ILRUN: variants seen among roughly 807,000 people sequenced by gnomAD.
ILRUN encodes the protein protein ILRUN.
In ILRUN, 3 loss-of-function variants were observed where a neutral mutation model predicts 33.8. The observed-to-expected ratio is 0.09, with a 90% CI of 0.04 to 0.23. The LOEUF (loss-of-function observed/expected upper bound fraction) is 0.23, where lower values mean the gene tolerates loss of function less well. Among genes scored for constraint, ILRUN ranks in the 10% least tolerant of loss-of-function variants. The probability of loss-of-function intolerance (pLI) is 1.00; values close to 1 mark genes in which losing one functional copy is unlikely to be tolerated. For missense variants in ILRUN, 210 were observed against 375.1 expected (o/e 0.56, Z 3.64); for synonymous variants, 124 against 138.9 (o/e 0.89, Z 0.75).
At chr6:34,659,098 C>T (rs1043349599) in intron 1 of ILRUN, among the ~76,000 whole-genome samples, 1 of 152,206 alleles carries the variant, frequency 6.6e-6, no homozygotes, top group Non-Finnish European at 1.5e-5. Context: ...ATGGCCCTTG[C>T]CTTCAGTGTT....
chr6:34,651,420 G>A (rs1054640813), intron 2 of ILRUN, among the ~76,000 whole-genome samples: 1 of 151,848 alleles, frequency 6.6e-6, no homozygotes, highest in African/African-American at 2.4e-5. Context: ...TAGGCTTTGG[G>A]GGTTCTGATT....
At chr6:34,614,443 A>AAAAAAAATATATATATATAT (rs71000073) in intron 3 of ILRUN, among the ~76,000 whole-genome samples, 10 of 133,582 alleles carry the variant, frequency 7.5e-5, no homozygotes, top group African/African-American at 2.8e-4. Flanking sequence ...AAAAAAAAAA[A>AAAAAAAATATATATATATAT]ATATATATAT....
At chr6:34,639,671 C>T (rs1208640629) in intron 3 of ILRUN, among the ~76,000 whole-genome samples, 6 of 152,148 alleles carry the variant, frequency 3.9e-5, no homozygotes, top group East Asian at 1.9e-4. Flanking sequence ...AGAAGACTTC[C>T]GGACCATATA....
rs377158447 is a variant in ILRUN at position 34,646,581 on chromosome 6, C to T, written c.511+20G>A. The T allele has an allele frequency of 1.9e-6, 3 of 1,611,212 alleles. No homozygotes were observed. Among genetic ancestry groups the T allele is most frequent in the African/African-American group, 1.3e-5 (1 of 74,882 alleles). ...GTTACCTTAGTTCCTTTACCCTGGG[C>T]TGCACAAGGACATACTCACCTCCAT... On this transcript the variant is annotated intron_variant, in intron 3 of 4. Coordinates refer to ENST00000374023, the MANE Select transcript of ILRUN (RefSeq NM_024294.4). The surrounding 1 kb of genome is among the most constrained non-coding windows in gnomAD (Gnocchi z 4.9).
chr6:34,647,158 G>C (rs562890436), intron 2 of ILRUN, among the ~76,000 whole-genome samples: 1 of 152,162 alleles, frequency 6.6e-6, no homozygotes, highest in Non-Finnish European at 1.5e-5. Context: ...ACGTTTAGGG[G>C]ACAGCTCTCT....
At chr6:34,640,666 C>A (rs767065101) in intron 3 of ILRUN, among the ~76,000 whole-genome samples, 2 of 151,632 alleles carry the variant, frequency 1.3e-5, no homozygotes, top group African/African-American at 4.9e-5. Flanking sequence ...GCTGAGATCA[C>A]GCCACTGCAC....
rs2127303873 is a variant in ILRUN, at chr6:34,589,037, T to G, written c.*1528A>C. 6.5e-6 allele frequency: 1 copy of G among 152,798 alleles called. No individual in the cohort carries two copies. Among genetic ancestry groups the G allele is most frequent in the Admixed American group, 6.5e-5 (1 of 15,310 alleles). 9.5% of individuals were successfully genotyped at this position (152,798 alleles called of 1,614,324 possible). A position where few individuals can be genotyped will look rare whatever the true frequency, so the allele number is the denominator to read the frequency against. On this transcript the variant is annotated 3_prime_UTR_variant, in exon 5 of 5. Transcript: ENST00000374023. ...CCCACCACCCAGCTGGATGGGGGTG[T>G]GGTAACAGGCAGGTGACCCTGCAAC...
In ILRUN at chr6:34,619,270, A is replaced by C. The variant is rs140462184; in HGVS notation, c.512-12366T>G. On this transcript the variant is annotated intron_variant, in intron 3 of 4. Transcript: ENST00000374023. ...CAGCAAGAAATTTAAAACAACTCAA[A>C]TGTTCATCAGTAGGTACACAGAATA... Among the ~76,000 whole-genome samples, 514 of 152,226 alleles carry C rather than the reference A, an allele frequency of 3.4e-3. 5 individuals are homozygous for C. Among genetic ancestry groups the C allele is most frequent in the Middle Eastern group, 6.8e-3 (2 of 294 alleles).
chr6:34,637,541 C>T (rs1475063038), intron 3 of ILRUN, among the ~76,000 whole-genome samples: 1 of 152,144 alleles, frequency 6.6e-6, no homozygotes, highest in Admixed American at 6.5e-5. Context: ...TTGCCCTCTA[C>T]CAAATCCTTT....
intron 1 of ILRUN, 42 bp downstream of exon 1, chr6:34,696,404 C>T (rs955664184): frequency 1.6e-5 from 24 of 1,533,408 alleles, no homozygotes; most frequent in African/African-American, 2.7e-5. Flanking sequence ...CCTCGGGGCC[C>T]CCGAGGCCGC....
chr6:34,688,444 C>T (rs1342459172), intron 1 of ILRUN, among the ~76,000 whole-genome samples: 1 of 148,746 alleles, frequency 6.7e-6, no homozygotes, highest in Admixed American at 6.7e-5. Context: ...CATACTACAA[C>T]ATGGATGAAC....
rs1419760918 is a variant in ILRUN at position 34,637,855 on chromosome 6, C to CTGT, written c.511+8745_511+8746insACA. Among the ~76,000 whole-genome samples the CTGT allele has an allele frequency of 1.1e-4, 14 of 130,374 alleles. No homozygotes were observed. The East Asian group carries it at 3.6e-3, about 34-fold the overall frequency. 85.5% of individuals were successfully genotyped at this position (130,374 alleles called of 152,430 possible). On this transcript the variant is annotated intron_variant, in intron 3 of 4. Coordinates refer to ENST00000374023, the MANE Select transcript of ILRUN (RefSeq NM_024294.4). ...ATTGCTGTTGTTGTTGCTGCTGCTG[C>CTGT]TGCTGCTGCTGTTGTTGTTGTTGTT...
At chr6:34,682,041 C>CTTTT (rs552894159) in intron 1 of ILRUN, among the ~76,000 whole-genome samples, 1 of 90,570 alleles carries the variant, frequency 1.1e-5, no homozygotes, top group African/African-American at 4.2e-5. Context: ...TATTTTTTTA[C>CTTTT]TTTTTTTTTT....
intron 4 of ILRUN, among the ~76,000 whole-genome samples, chr6:34,600,890 T>C (rs1033500480): frequency 1.3e-5 from 2 of 152,226 alleles, no homozygotes; most frequent in Non-Finnish European, 2.9e-5. Context: ...CAGTGCAATG[T>C]TAAGAGAACA....
Position 34,632,585 on chromosome 6 carries a change from G to A in ILRUN, c.511+14016C>T, listed in dbSNP as rs901174826. Among the ~76,000 whole-genome samples the A allele has an allele frequency of 7.6e-5, 10 of 131,860 alleles. No individual in the cohort carries two copies. In the South Asian group the frequency reaches 9.0e-4, roughly 12 times the overall value. 86.5% of individuals were successfully genotyped at this position (131,860 alleles called of 152,430 possible). On this transcript the variant is annotated intron_variant, in intron 3 of 4. Transcript: ENST00000374023. ...TTTTTTTTTTTTGAGATGGAGTCTC[G>A]CTCTGTCACCCAGGCTGCCTCCTGG...
chr6:34,694,368 TA>T (rs1763710581), intron 1 of ILRUN, among the ~76,000 whole-genome samples: 3 of 152,226 alleles, frequency 2.0e-5, no homozygotes, highest in Admixed American at 2.0e-4. Flanking sequence ...GCAGCAACAA[TA>T]TGCCAAGTTT....
rs1174245644 is a variant in ILRUN at position 34,683,473 on chromosome 6, C to CATATAT, written c.158+12972_158+12973insATATAT. 2.5e-4 allele frequency among the ~76,000 whole-genome samples: 24 copies of CATATAT among 97,840 alleles called. 1 individual carries two copies. Among genetic ancestry groups the CATATAT allele is most frequent in the African/African-American group, 1.2e-3 (23 of 19,658 alleles). The allele number at this position is 97,840 out of a possible 152,430, so 64.2% of individuals were successfully genotyped here. On this transcript the variant is annotated intron_variant, in intron 1 of 4. Coordinates refer to ENST00000374023, the MANE Select transcript of ILRUN (RefSeq NM_024294.4). ...ATATACATATATATACATATATATA[C>CATATAT]ACATATATATATACATATATATATA...
intron 1 of ILRUN, among the ~76,000 whole-genome samples, chr6:34,676,793 T>G (rs1298904723): frequency 6.6e-6 from 1 of 152,150 alleles, no homozygotes; most frequent in Non-Finnish European, 1.5e-5. Flanking sequence ...ACACCTTTTA[T>G]CTATCAGATA....
At chr6:34,664,173 G>A (rs941829863) in intron 1 of ILRUN, among the ~76,000 whole-genome samples, 22 of 152,132 alleles carry the variant, frequency 1.4e-4, no homozygotes, top group Non-Finnish European at 2.9e-4. Context: ...AAATGTGTGC[G>A]TTTTTAAGTC....
Sources: allele counts gnomAD v4.1 joint callset (sites outside exome capture counted in the v4.1 genomes callset), GRCh38; gene constraint gnomAD v4.1.1; non-coding constraint Gnocchi (gnomAD v3.1); transcripts MANE v1.5; gene names NCBI Gene and HGNC (gene_info 2026-07-23, HGNC 2026-07-21).